The following MRPL34 variants were observed in gnomAD, a reference collection of about 807,000 sequenced individuals.
MRPL34 encodes large ribosomal subunit protein bL34m.
In MRPL34, 8 loss-of-function variants were observed where a neutral mutation model predicts 6.7. The ratio of observed to expected loss-of-function variants is 1.20; its 90% CI spans 0.70 to 2.16. The LOEUF is 2.16. Among genes scored for constraint, MRPL34 ranks in the 30% most tolerant of loss-of-function variants. The probability of loss-of-function intolerance (pLI) is 0.00; values close to 1 mark genes in which losing one functional copy is unlikely to be tolerated. For synonymous variants in MRPL34, 59 were observed against 55.1 expected (o/e 1.07, Z -0.31); for missense variants, 146 against 125.5 (o/e 1.16, Z -0.78).
intron 1 of MRPL34, chr19:17,296,630 T>C (rs1166027723): frequency 6.6e-6 from 1 of 151,978 alleles, no homozygotes; most frequent in East Asian, 1.9e-4. Flanking sequence ...GCCTGTGGGC[T>C]AGTCATTTGC....
upstream of MRPL34, chr19:17,301,195 C>G (rs1309594251): frequency 6.2e-7 from 1 of 1,602,618 alleles, no homozygotes; most frequent in Middle Eastern, 1.7e-4. Context: ...ACTGCCACTG[C>G]CGCTGCCGCT....
upstream of MRPL34, among the ~76,000 whole-genome samples, chr19:17,304,735 C>A (rs1237304502): frequency 6.6e-6 from 1 of 152,124 alleles, no homozygotes; most frequent in Non-Finnish European, 1.5e-5. Context: ...GGGGGAGAGT[C>A]AAGGGAAAGC....
chr19:17,299,026 G>C (rs369648567), upstream of MRPL34, among the ~76,000 whole-genome samples: 25 of 152,270 alleles, frequency 1.6e-4, no homozygotes, highest in South Asian at 5.2e-3. Flanking sequence ...ACAGGCGTAA[G>C]CCACTGCACC....
chr19:17,292,874 T>C, intron 1 of MRPL34: 2 of 1,585,396 alleles, frequency 1.3e-6, no homozygotes, highest in Non-Finnish European at 1.7e-6. Flanking sequence ...GGCAAGAGGG[T>C]GGAGAGAGGC....
At chr19:17,294,525 G>A (rs1199043453) in intron 1 of MRPL34, 3 of 1,613,114 alleles carry the variant, frequency 1.9e-6, no homozygotes, top group Admixed American at 3.3e-5. Flanking sequence ...TGGAGGCACC[G>A]CTAGAGCCCC....
chr19:17,299,064 A>G (rs942349011), upstream of MRPL34, among the ~76,000 whole-genome samples: 1 of 152,142 alleles, frequency 6.6e-6, no homozygotes, highest in Non-Finnish European at 1.5e-5. Flanking sequence ...CTTTAGAACA[A>G]TGTGAAACAA....
Position 17,306,514 on chromosome 19 carries a change from G to T in MRPL34, c.*135G>T, listed in dbSNP as rs2074149878. 2 of 790,920 alleles carry T rather than the reference G, an allele frequency of 2.5e-6. No homozygotes were observed. Among genetic ancestry groups the T allele is most frequent in the African/African-American group, 3.5e-5 (2 of 56,644 alleles). 49.0% of individuals were successfully genotyped at this position (790,920 alleles called of 1,614,324 possible). A position where few individuals can be genotyped will look rare whatever the true frequency, so the allele number is the denominator to read the frequency against. ...GTGCTCTCCATATTGTGGGGTTGAA[G>T]TCTGGATGGGAGCTTGCCAAGTCCC... is the stretch of plus-strand genomic sequence containing the variant. On this transcript the variant is annotated 3_prime_UTR_variant, in exon 2 of 2. Coordinates refer to ENST00000252602, the MANE Select transcript of MRPL34 (RefSeq NM_023937.4).
chr19:17,301,377 G>C, upstream of MRPL34: 1 of 1,611,218 alleles, frequency 6.2e-7, no homozygotes, highest in Non-Finnish European at 8.5e-7. Context: ...CGGTGATCCG[G>C]CGCTGACAGC....
chr19:17,299,234 A>AC (rs34604672), upstream of MRPL34, among the ~76,000 whole-genome samples: 55,487 of 128,176 alleles, frequency 0.43, 11,686 homozygotes, highest in Middle Eastern at 0.52. Context: ...ACATAATGAG[A>AC]CCCCCCCCCC....
upstream of MRPL34, among the ~76,000 whole-genome samples, chr19:17,299,242 C>CCCG (rs2074106584): frequency 1.4e-5 from 2 of 147,046 alleles, no homozygotes; most frequent in South Asian, 2.2e-4. Context: ...AGACCCCCCC[C>CCCG]CCATTCTCTA....
Position 17,305,902 on chromosome 19 carries a change from T to C in MRPL34, c.10T>C (p.Leu4=), listed in dbSNP as rs1295573806. The C allele has an allele frequency of 1.2e-6, 2 of 1,614,052 alleles. No individual in the cohort carries two copies. Among genetic ancestry groups the C allele is most frequent in the Admixed American group, 3.3e-5 (2 of 60,032 alleles). The part of the protein sequence containing the change: MAV[L]AGSLLGPTSR... The stretch of plus-strand genomic sequence containing the variant: ...GGGACCCACTGCGGATATGGCTGTC[T>C]TGGCTGGATCCCTGTTGGGCCCCAC... The change falls in exon 1 of 2, where the codon TTG becomes CTG. Residue 4 remains leucine (L), a synonymous_variant. Coordinates refer to ENST00000252602, the MANE Select transcript of MRPL34 (RefSeq NM_023937.4).
chr19:17,292,672 C>G (rs1159618102), exon 1 of MRPL34: 2 of 1,610,850 alleles, frequency 1.2e-6, no homozygotes, highest in Admixed American at 3.4e-5. Flanking sequence ...TACTTCTTGT[C>G]TTCTGGAGGC....
At chr19:17,299,320 G>A (rs2074107028), upstream of MRPL34, among the ~76,000 whole-genome samples, 2 of 150,284 alleles carry the variant, frequency 1.3e-5, no homozygotes, top group East Asian at 2.0e-4. Flanking sequence ...CCAGCGCTTT[G>A]GGAGGCCGAG....
At chr19:17,306,139 T>C in intron 1 of MRPL34, 27 bp from the exon 2 acceptor site, 2 of 1,508,392 alleles carry the variant, frequency 1.3e-6, no homozygotes, top group Non-Finnish European at 1.8e-6. Context: ...CCGTCTGACC[T>C]TTCTCGCCGT....
chr19:17,294,510 G>T (rs1302915708), intron 1 of MRPL34: 2 of 1,613,616 alleles, frequency 1.2e-6, no homozygotes, highest in African/African-American at 2.7e-5. Flanking sequence ...CGGCCCTGGT[G>T]GTGGTGGAGG....
At chr19:17,293,701 TTTTTC>T (rs2074081052) in intron 1 of MRPL34, among the ~76,000 whole-genome samples, 2 of 151,666 alleles carry the variant, frequency 1.3e-5, no homozygotes, top group Admixed American at 1.3e-4. Context: ...TTTTTTTTTT[TTTTTC>T]TTTAAGAAAC....
chr19:17,305,676 C>A, upstream of MRPL34: 1 of 601,390 alleles, frequency 1.7e-6, no homozygotes, highest in South Asian at 1.9e-5. Flanking sequence ...CGCCGGCTAC[C>A]TGTTGGTGTG....
upstream of MRPL34, chr19:17,292,600 A>T: frequency 6.6e-7 from 1 of 1,508,370 alleles, no homozygotes; most frequent in Non-Finnish European, 8.9e-7. Flanking sequence ...GACCTGGCGC[A>T]GGCTCGGGCC....
At chr19:17,298,653 G>A (rs866933216), upstream of MRPL34, among the ~76,000 whole-genome samples, 60 of 151,526 alleles carry the variant, frequency 4.0e-4, 1 homozygote, top group Middle Eastern at 3.4e-3. Context: ...AGAAGCCAGG[G>A]ATGCTACTAA....
Sources: allele counts gnomAD v4.1 joint callset (sites outside exome capture counted in the v4.1 genomes callset), GRCh38; gene constraint gnomAD v4.1.1; transcripts MANE v1.5; gene names NCBI Gene and HGNC (gene_info 2026-07-23, HGNC 2026-07-21).